Variants in HIP1 observed in about 807,000 individuals in gnomAD.
The protein encoded by HIP1 is huntingtin-interacting protein 1.
HIP1 carries 65 observed loss-of-function variants against 147.6 expected under a neutral mutation model. That is an observed-to-expected ratio of 0.44 (90% confidence interval 0.36 to 0.54). HIP1 has a LOEUF of 0.54. HIP1 is among the 20% of genes least tolerant of loss of function. The pLI, the probability that HIP1 is intolerant of heterozygous loss-of-function variation, is 0.00. For synonymous variants in HIP1, 479 were observed against 504.0 expected (o/e 0.95, Z 0.67); for missense variants, 1,061 against 1,299.6 (o/e 0.82, Z 2.82).
chr7:75,591,360 C>T (rs138630710), intron 4 of HIP1, among the ~76,000 whole-genome samples: 23 of 151,962 alleles, frequency 1.5e-4, no homozygotes. Flanking sequence ...ATGCAGATTA[C>T]CCCTCTCCAT....
chr7:75,634,870 T>C (rs1584904545), intron 1 of HIP1, among the ~76,000 whole-genome samples: 1 of 146,088 alleles, frequency 6.8e-6, no homozygotes, highest in Admixed American at 7.1e-5. Context: ...AGCCCAGGAG[T>C]TCGAGGCTAG....
chr7:75,554,324 G>A (rs1036865093), intron 20 of HIP1, 104 bp from the exon 21 acceptor site: 14 of 1,270,828 alleles, frequency 1.1e-5, no homozygotes, highest in African/African-American at 2.9e-5. Flanking sequence ...TCTTGTATGA[G>A]TTGCCTACAT....
intron 1 of HIP1, among the ~76,000 whole-genome samples, chr7:75,679,703 T>C (rs1800003898): frequency 6.6e-6 from 1 of 151,918 alleles, no homozygotes; most frequent in African/African-American, 2.4e-5. Flanking sequence ...TCTCAACCTG[T>C]ATGTTAAATG....
Position 75,538,216 on chromosome 7 carries a change from C to T in HIP1, c.3070G>A (p.Ala1024Thr). 9 of 1,612,686 alleles carry T rather than the reference C, an allele frequency of 5.6e-6. No individual in the cohort carries two copies. Among genetic ancestry groups the T allele is most frequent in the Non-Finnish European group, 7.6e-6 (9 of 1,178,884 alleles). Residue 1024 changes from alanine to threonine, a missense_variant, in exon 31 of 31, where the codon GCA (alanine) becomes ACA (threonine). Transcript: ENST00000336926. Reference sequence around the variant, plus strand: ...ACTTCTTGCAGTGTAGGTGGAGATGCCTCTGTTCCTAAAAGACAATGATAA... The same window carrying T: ...ACTTCTTGCAGTGTAGGTGGAGATGTCTCTGTTCCTAAAAGACAATGATAA... ...VAEGWEEGTE[A>T]SPPTLQEVVT...
chr7:75,561,220 C>G lies in HIP1; in HGVS notation c.1191+109G>C, dbSNP rs1410042792. The G allele has an allele frequency of 3.3e-5, 29 of 866,206 alleles. No homozygotes were observed. The East Asian group carries it at 6.6e-4, about 20-fold the overall frequency. The allele number at this position is 866,206 out of a possible 1,614,324, so 53.7% of individuals were successfully genotyped here. On this transcript the variant is annotated intron_variant, in intron 13 of 30. Coordinates refer to ENST00000336926, the MANE Select transcript of HIP1 (RefSeq NM_005338.7). Reference sequence around the variant, plus strand: ...CCTCCTGCCTTGGCCTCCCAAAGTGCTAGGATTACAGGTGTGAGCCACTGT... The same window carrying G: ...CCTCCTGCCTTGGCCTCCCAAAGTGGTAGGATTACAGGTGTGAGCCACTGT...
intron 1 of HIP1, among the ~76,000 whole-genome samples, chr7:75,659,741 C>T (rs1175842864): frequency 2.0e-5 from 3 of 152,180 alleles, no homozygotes; most frequent in Admixed American, 6.6e-5. Context: ...CAAAAACTCA[C>T]GGTCTTCCTC....
intron 1 of HIP1, among the ~76,000 whole-genome samples, chr7:75,673,761 G>T (rs1452747494): frequency 6.7e-6 from 1 of 148,498 alleles, no homozygotes; most frequent in Non-Finnish European, 1.5e-5. Context: ...AAGGTGGGTG[G>T]ATTGCTTGAG....
chr7:75,605,190 T>C (rs1797177475), intron 1 of HIP1, among the ~76,000 whole-genome samples: 1 of 152,168 alleles, frequency 6.6e-6, no homozygotes, highest in South Asian at 2.1e-4. Context: ...GGTCATGCTC[T>C]TTGGTTCCAA....
intron 21 of HIP1, 24 bp from the exon 22 acceptor site, chr7:75,553,613 C>CT (rs781899947): frequency 1.7e-4 from 263 of 1,584,454 alleles, no homozygotes; most frequent in Middle Eastern, 5.3e-4. Context: ...GCAATAGACA[C>CT]TTTTTTTTTG....
rs587670706 is a variant in HIP1, at chr7:75,583,748, G to A, written c.466-1597C>T. Among the ~76,000 whole-genome samples, 41 of 142,652 alleles carry A rather than the reference G, an allele frequency of 2.9e-4. 1 individual carries two copies. In the South Asian group the frequency reaches 9.5e-3, roughly 33 times the overall value. The allele number at this position is 142,652 out of a possible 152,430, so 93.6% of individuals were successfully genotyped here. ...GTACTACAGGCATACACCACCATGC[G>A]GGCTAATTTGTGTGTGTGTGTGTGT... On this transcript the variant is annotated intron_variant, in intron 5 of 30. Transcript: ENST00000336926.
intron 1 of HIP1, among the ~76,000 whole-genome samples, chr7:75,683,125 G>T (rs1800147550): frequency 6.6e-6 from 1 of 152,042 alleles, no homozygotes; most frequent in South Asian, 2.1e-4. Flanking sequence ...GGGACTACAG[G>T]CGTGCGCTAC....
At chr7:75,560,049 G>T in intron 13 of HIP1, 134 bp from the exon 14 acceptor site, 1 of 860,206 alleles carries the variant, frequency 1.2e-6, no homozygotes, top group Non-Finnish European at 1.7e-6. Flanking sequence ...GTCCCAGGAG[G>T]GTTGGACCAT....
chr7:75,729,792 AAAAC>A (rs141957530), intron 1 of HIP1, among the ~76,000 whole-genome samples: 61,263 of 151,578 alleles, frequency 0.4, 12,836 homozygotes, highest in African/African-American at 0.5. Context: ...GTCTCAAAAC[AAAAC>A]AAACAAACAA....
chr7:75,615,258 GGAA>G (rs1797612985), intron 1 of HIP1, among the ~76,000 whole-genome samples: 1 of 152,020 alleles, frequency 6.6e-6, no homozygotes, highest in Non-Finnish European at 1.5e-5. Context: ...ACAGATGATA[GGAA>G]GTGGACCCTG....
In HIP1 at chr7:75,731,084, A is replaced by T. The variant is rs552570372; in HGVS notation, c.120+7717T>A. ...CCATCACTGGGAAGAAACTCAGGAC[A>T]GTACAAAACCAGGGACCAAAAGAAA... On this transcript the variant is annotated intron_variant, in intron 1 of 30. Coordinates refer to ENST00000336926, the MANE Select transcript of HIP1 (RefSeq NM_005338.7). Among the ~76,000 whole-genome samples the T allele has an allele frequency of 2.2e-3, 340 of 152,174 alleles. 2 individuals carry two copies. The highest frequency in any genetic ancestry group is 6.8e-3 in the Middle Eastern group (2 of 294).
rs1794624472 is a variant in HIP1, at chr7:75,547,735, A to G, written c.2465+20T>C. The G allele has an allele frequency of 6.2e-7, 1 of 1,607,438 alleles. No individual in the cohort carries two copies. Among genetic ancestry groups the G allele is most frequent in the Admixed American group, 1.7e-5 (1 of 59,966 alleles). The stretch of plus-strand genomic sequence containing the variant: ...GACAGATCCTGCTCCCCTAGGTCCC[A>G]CCATGCCGCTCAGACCGACCTTTCA... On this transcript the variant is annotated intron_variant, in intron 24 of 30. Coordinates refer to ENST00000336926, the MANE Select transcript of HIP1 (RefSeq NM_005338.7).
chr7:75,573,356 C>T (rs1183969760), intron 8 of HIP1, among the ~76,000 whole-genome samples: 9 of 152,176 alleles, frequency 5.9e-5, no homozygotes, highest in African/African-American at 1.4e-4. Flanking sequence ...AGACAGAGAG[C>T]GGTACCCACT....
intron 1 of HIP1, among the ~76,000 whole-genome samples, chr7:75,730,888 C>T (rs1432781069): frequency 6.6e-6 from 1 of 151,490 alleles, no homozygotes; most frequent in African/African-American, 2.4e-5. Flanking sequence ...GCATGCACCA[C>T]CACGCCCAGC....
At chr7:75,540,909 A>G (rs1794281814) in intron 29 of HIP1, among the ~76,000 whole-genome samples, 1 of 152,194 alleles carries the variant, frequency 6.6e-6, no homozygotes, top group African/African-American at 2.4e-5. Flanking sequence ...GTTTGTGGAT[A>G]CTAAGAGATC....
Sources: gnomAD v4.1 joint callset for allele counts (sites outside exome capture counted in the v4.1 genomes callset) on GRCh38, gnomAD v4.1.1 for gene constraint, MANE v1.5 for transcripts, NCBI Gene and HGNC (gene_info 2026-07-23, HGNC 2026-07-21) for gene names.